SAMD12: variants seen among roughly 807,000 people sequenced by gnomAD.
SAMD12 encodes the protein sterile alpha motif domain-containing protein 12.
SAMD12 carries 9 observed loss-of-function variants against 15.0 expected under a neutral mutation model. The ratio of observed to expected loss-of-function variants is 0.60; its 90% CI spans 0.36 to 1.05. SAMD12 has a LOEUF of 1.05. SAMD12 is among the 50% of genes least tolerant of loss of function. SAMD12 has a pLI of 0.01. For synonymous variants in SAMD12, 86 were observed against 90.1 expected, an observed-to-expected ratio of 0.96 and a Z score of 0.25; for missense variants, 230 against 234.2, an observed-to-expected ratio of 0.98 and a Z score of 0.12.
chr8:118,211,831 T>C (rs74430509), intron 4 of SAMD12, among the ~76,000 whole-genome samples: 3,429 of 152,296 alleles, frequency 0.023, 132 homozygotes, highest in African/African-American at 0.077. Context: ...TTTTTGAAGT[T>C]TGCTGGAGAC....
At chr8:118,603,877 C>G (rs1330921488) in intron 1 of SAMD12, among the ~76,000 whole-genome samples, 1 of 152,018 alleles carries the variant, frequency 6.6e-6, no homozygotes, top group Non-Finnish European at 1.5e-5. Flanking sequence ...AACAAGGGAA[C>G]TTTTTATTTA....
At chr8:118,343,459 G>C (rs1817475173) in intron 4 of SAMD12, among the ~76,000 whole-genome samples, 1 of 152,020 alleles carries the variant, frequency 6.6e-6, no homozygotes, top group African/African-American at 2.4e-5. Flanking sequence ...GCCAGTCCCA[G>C]CCCTATTTCG....
chr8:118,284,152 T>C, intron 4 of SAMD12: 1 of 392,708 alleles, frequency 2.5e-6, no homozygotes, highest in Non-Finnish European at 5.0e-6. Context: ...TTTGGATCCA[T>C]TATGATAACC....
chr8:118,154,644 C>T, the SAMD12 span, among the ~76,000 whole-genome samples: 2 of 152,146 alleles, frequency 1.3e-5, no homozygotes, highest in Non-Finnish European at 2.9e-5. Context: ...AGAGCTCATA[C>T]CATTAAATTT....
chr8:118,215,922 CAT>C (rs1271374132), intron 4 of SAMD12, among the ~76,000 whole-genome samples: 2 of 150,838 alleles, frequency 1.3e-5, no homozygotes, highest in East Asian at 3.9e-4. Context: ...CCGCAATAAA[CAT>C]ATGTGTGCAT....
the SAMD12 span, among the ~76,000 whole-genome samples, chr8:118,169,775 C>A: frequency 1.3e-5 from 2 of 152,188 alleles, no homozygotes; most frequent in Admixed American, 6.5e-5. Context: ...TCTCCTGCTT[C>A]TAAAGTGCTA....
intron 2 of SAMD12, among the ~76,000 whole-genome samples, chr8:118,548,968 C>A (rs915448552): frequency 1.3e-5 from 2 of 152,264 alleles, no homozygotes; most frequent in South Asian, 4.1e-4. Flanking sequence ...GGCAGCCAGG[C>A]TGGGGGAGGG....
the SAMD12 span, among the ~76,000 whole-genome samples, chr8:118,151,767 T>C: frequency 6.6e-6 from 1 of 151,540 alleles, no homozygotes; most frequent in Non-Finnish European, 1.5e-5. Context: ...GAAGCAGAGC[T>C]TGCAGTGAGC....
At chr8:118,149,446 T>C in the SAMD12 span, among the ~76,000 whole-genome samples, 1 of 152,376 alleles carries the variant, frequency 6.6e-6, no homozygotes, top group East Asian at 1.9e-4. Flanking sequence ...TCAAATCTTT[T>C]GCCCATTTTT....
the SAMD12 span, among the ~76,000 whole-genome samples, chr8:118,133,114 A>T: frequency 6.7e-6 from 1 of 149,282 alleles, no homozygotes; most frequent in Non-Finnish European, 1.5e-5. Flanking sequence ...TTCCATGTTG[A>T]CAAAATTGGC....
At chr8:118,398,758 T>G (rs1820716419) in intron 3 of SAMD12, among the ~76,000 whole-genome samples, 2 of 152,202 alleles carry the variant, frequency 1.3e-5, no homozygotes, top group Non-Finnish European at 2.9e-5. Flanking sequence ...GTGATAGTCA[T>G]GTTCATTACC....
chr8:118,296,428 C>A (rs1814718067), intron 4 of SAMD12, among the ~76,000 whole-genome samples: 1 of 152,228 alleles, frequency 6.6e-6, no homozygotes, highest in Admixed American at 6.5e-5. Context: ...AGGTTGGCCT[C>A]TTCTCTTATG....
At chr8:118,240,276 A>G (rs1490063875) in intron 4 of SAMD12, among the ~76,000 whole-genome samples, 2 of 152,196 alleles carry the variant, frequency 1.3e-5, no homozygotes, top group African/African-American at 4.8e-5. Context: ...GAAAGACTGC[A>G]TCAGAAACAC....
At chr8:118,167,501 C>T in the SAMD12 span, among the ~76,000 whole-genome samples, 1 of 152,078 alleles carries the variant, frequency 6.6e-6, no homozygotes. Flanking sequence ...CATATTGGAA[C>T]ACAGACAAAA....
chr8:118,209,303 G>A (rs1819953544), intron 4 of SAMD12, among the ~76,000 whole-genome samples: 1 of 152,174 alleles, frequency 6.6e-6, no homozygotes, highest in South Asian at 2.1e-4. Context: ...AAAGGGTAGG[G>A]CTTGGTTTTG....
At chr8:118,396,907 A>G (rs1281719098) in intron 3 of SAMD12, among the ~76,000 whole-genome samples, 1 of 152,180 alleles carries the variant, frequency 6.6e-6, no homozygotes, top group African/African-American at 2.4e-5. Context: ...GCAGAATCTA[A>G]AGGACTTGGT....
At chr8:118,232,738 G>A (rs1006079044) in intron 4 of SAMD12, among the ~76,000 whole-genome samples, 4 of 152,106 alleles carry the variant, frequency 2.6e-5, no homozygotes, top group African/African-American at 7.2e-5. Context: ...AGAAAGGGGA[G>A]GAAGGTTGAT....
chr8:118,594,219 G>T (rs576413110), intron 1 of SAMD12, among the ~76,000 whole-genome samples: 2 of 151,714 alleles, frequency 1.3e-5, no homozygotes, highest in South Asian at 4.2e-4. Context: ...GCTCTCGGTG[G>T]TCCTCAGCAA....
intron 1 of SAMD12, among the ~76,000 whole-genome samples, chr8:118,589,487 T>C (rs753013476): frequency 1.3e-5 from 2 of 152,226 alleles, no homozygotes; most frequent in Non-Finnish European, 2.9e-5. Context: ...ACTTGATACA[T>C]AGACAACCTA....
Sources: allele counts gnomAD v4.1 joint callset (sites outside exome capture counted in the v4.1 genomes callset), GRCh38; gene constraint gnomAD v4.1.1; transcripts MANE v1.5; gene names NCBI Gene and HGNC (gene_info 2026-07-23, HGNC 2026-07-21).